ACAP2: variants seen among roughly 807,000 people sequenced by gnomAD.
The protein encoded by ACAP2 is ArfGAP with coiled-coil, ankyrin repeat and PH domains 2.
In ACAP2, 39 loss-of-function variants were observed where a neutral mutation model predicts 115.8. The observed-to-expected ratio is 0.34, with a 90% confidence interval of 0.26 to 0.44. The LOEUF is 0.44. Ranked by LOEUF, ACAP2 falls within the 20% of genes least tolerant of loss-of-function variation. ACAP2 has a pLI of 1.00. For missense variants in ACAP2, 662 were observed against 927.6 expected, an observed-to-expected ratio of 0.71 and a Z score of 3.72; for synonymous variants, 289 against 315.8, an observed-to-expected ratio of 0.92 and a Z score of 0.90.
chr3:195,387,219 C>T (rs1734364537), intron 2 of ACAP2, among the ~76,000 whole-genome samples: 1 of 152,110 alleles, frequency 6.6e-6, no homozygotes, highest in African/African-American at 2.4e-5. Context: ...TATAAACCTA[C>T]AAAGAGGGAA....
chr3:195,397,338 T>C (rs1283920329), intron 1 of ACAP2, among the ~76,000 whole-genome samples: 1 of 152,148 alleles, frequency 6.6e-6, no homozygotes, highest in African/African-American at 2.4e-5. Context: ...GCATCAAGGA[T>C]GGCCCACTGA....
intron 4 of ACAP2, among the ~76,000 whole-genome samples, chr3:195,376,942 G>GATGCTATGTA (rs1409762843): frequency 6.6e-6 from 1 of 151,950 alleles, no homozygotes; most frequent in African/African-American, 2.4e-5. Flanking sequence ...TTTATATTGG[G>GATGCTATGTA]ATGCTATGTA....
Position 195,278,571 on chromosome 3 carries a change from A to G in ACAP2, c.*757T>C, listed in dbSNP as rs1263105656. 6.6e-6 allele frequency: 1 copy of G among 152,120 alleles called. No homozygotes were observed. Among genetic ancestry groups the G allele is most frequent in the Non-Finnish European group, 1.5e-5 (1 of 68,022 alleles). 9.4% of individuals were successfully genotyped at this position (152,120 alleles called of 1,614,324 possible). A position where few individuals can be genotyped will look rare whatever the true frequency, so the allele number is the denominator to read the frequency against. On this transcript the variant is annotated 3_prime_UTR_variant, in exon 23 of 23. Coordinates refer to ENST00000326793, the MANE Select transcript of ACAP2 (RefSeq NM_012287.6). ...ACATCTGTCAAGGTTTTGGGGAATC[A>G]ACCCAACAATGAAGAACTACACATT...
chr3:195,357,716 A>G (rs1046916545), intron 4 of ACAP2: 1 of 152,248 alleles, frequency 6.6e-6, no homozygotes, highest in Non-Finnish European at 1.5e-5. Context: ...ATTCTTCCAG[A>G]TGTTATCCAA....
chr3:195,324,798 A>G (rs1289455815), intron 9 of ACAP2, among the ~76,000 whole-genome samples: 1 of 152,104 alleles, frequency 6.6e-6, no homozygotes, highest in Non-Finnish European at 1.5e-5. Context: ...CTATAATACA[A>G]GAGATATCTC....
chr3:195,381,811 C>T (rs1414553825), intron 3 of ACAP2, 92 bp downstream of exon 3: 56 of 1,415,158 alleles, frequency 4.0e-5, no homozygotes, highest in Non-Finnish European at 5.2e-5. Flanking sequence ...TAAGTATCAC[C>T]ATAACTATAA....
rs114363089 is a variant in ACAP2 at position 195,324,799 on chromosome 3, G to A, written c.744+2086C>T. 1.1e-3 allele frequency among the ~76,000 whole-genome samples: 169 copies of A among 151,916 alleles called. 1 individual carries two copies. The highest frequency in any genetic ancestry group is 1.9e-3 in the Non-Finnish European group (132 of 67,934). ...TCTAAAAAGCAAACCTATAATACAA[G>A]AGATATCTCTTCATGATCTTGAAAT... On this transcript the variant is annotated intron_variant, in intron 9 of 22. Transcript: ENST00000326793.
At chr3:195,423,818 AT>A (rs997522169) in intron 1 of ACAP2, among the ~76,000 whole-genome samples, 2 of 151,896 alleles carry the variant, frequency 1.3e-5, no homozygotes, top group East Asian at 1.9e-4. Context: ...GTGTCATGAA[AT>A]TTTTTTTAAA....
At chr3:195,423,894 CA>C (rs1179639766) in intron 1 of ACAP2, among the ~76,000 whole-genome samples, 3 of 148,290 alleles carry the variant, frequency 2.0e-5, no homozygotes, top group South Asian at 2.1e-4. Context: ...GGACTATTGA[CA>C]AAAAAAAACA....
At position 195,278,982 on chromosome 3, in the gene ACAP2, A is replaced by G. The variant is rs1726310048; in HGVS notation, c.*346T>C. 1 of 174,736 alleles carries G rather than the reference A, an allele frequency of 5.7e-6. No individual in the cohort carries two copies. The highest frequency in any genetic ancestry group is 6.3e-5 in the Admixed American group (1 of 15,880). The allele number at this position is 174,736 out of a possible 1,614,324, so 10.8% of individuals were successfully genotyped here. On this transcript the variant is annotated 3_prime_UTR_variant, in exon 23 of 23. Coordinates refer to ENST00000326793, the MANE Select transcript of ACAP2 (RefSeq NM_012287.6). Reference sequence around the variant, plus strand: ...GACTGAGTGATCCTGGGCAAGATGCATGGAGGAAAAAAATCAATGCCACCA... The same window carrying G: ...GACTGAGTGATCCTGGGCAAGATGCGTGGAGGAAAAAAATCAATGCCACCA...
chr3:195,404,041 G>A (rs1418657061), intron 1 of ACAP2, among the ~76,000 whole-genome samples: 2 of 152,154 alleles, frequency 1.3e-5, no homozygotes, highest in Admixed American at 6.6e-5. Context: ...AGCAACTGAT[G>A]ACATAAGAAG....
chr3:195,314,888 T>G (rs1728989138), intron 10 of ACAP2, among the ~76,000 whole-genome samples: 1 of 152,234 alleles, frequency 6.6e-6, no homozygotes, highest in South Asian at 2.1e-4. Context: ...TTCCAAATTT[T>G]TAACATTAAA....
intron 1 of ACAP2, among the ~76,000 whole-genome samples, chr3:195,422,704 C>T (rs1714285956): frequency 6.6e-6 from 1 of 152,040 alleles, no homozygotes; most frequent in South Asian, 2.1e-4. Context: ...AAGTCAATGT[C>T]ATATGTACTA....
intron 4 of ACAP2, chr3:195,356,113 C>G: frequency 2.2e-6 from 1 of 456,656 alleles, no homozygotes; most frequent in South Asian, 1.5e-5. Flanking sequence ...AAAAGACAGT[C>G]TTGAATTGCT....
intron 4 of ACAP2, among the ~76,000 whole-genome samples, chr3:195,346,820 C>T (rs914998100): frequency 6.6e-6 from 1 of 152,064 alleles, no homozygotes; most frequent in Non-Finnish European, 1.5e-5. Flanking sequence ...ATTCAAACAG[C>T]AATAAAAAAG....
At chr3:195,386,250 A>C (rs1216364949) in intron 2 of ACAP2, among the ~76,000 whole-genome samples, 1 of 152,198 alleles carries the variant, frequency 6.6e-6, no homozygotes, top group East Asian at 1.9e-4. Context: ...ATTGGGAGTG[A>C]CTGCTAATAG....
rs762069042 is a variant in ACAP2, at chr3:195,278,646, T to C, written c.*682A>G. On this transcript the variant is annotated 3_prime_UTR_variant, in exon 23 of 23. Coordinates refer to ENST00000326793, the MANE Select transcript of ACAP2 (RefSeq NM_012287.6). Reference sequence around the variant, plus strand: ...TTAAAAAAAAAAAAGAGCTTCTTTTTGCTGCATAAAATAAATCTAAAGGAC... The same window carrying C: ...TTAAAAAAAAAAAAGAGCTTCTTTTCGCTGCATAAAATAAATCTAAAGGAC... The C allele has an allele frequency of 1.3e-5, 2 of 152,072 alleles. No homozygotes were observed. The highest frequency in any genetic ancestry group is 2.9e-5 in the Non-Finnish European group (2 of 68,014). 9.4% of individuals were successfully genotyped at this position (152,072 alleles called of 1,614,324 possible).
intron 9 of ACAP2, among the ~76,000 whole-genome samples, chr3:195,323,666 A>G (rs779929794): frequency 3.9e-5 from 6 of 152,178 alleles, no homozygotes; most frequent in Non-Finnish European, 8.8e-5. Context: ...AGAATGACAA[A>G]CATTCATGTT....
chr3:195,327,784 A>T (rs1729892151), intron 8 of ACAP2, among the ~76,000 whole-genome samples: 1 of 152,054 alleles, frequency 6.6e-6, no homozygotes, highest in South Asian at 2.1e-4. Context: ...ACAAAAAATT[A>T]GCTGGGCATG....
Sources: allele counts gnomAD v4.1 joint callset (sites outside exome capture counted in the v4.1 genomes callset), GRCh38; gene constraint gnomAD v4.1.1; transcripts MANE v1.5; gene names NCBI Gene and HGNC (gene_info 2026-07-23, HGNC 2026-07-21).